The following ABCB1 variants were observed in gnomAD, a reference collection of about 807,000 sequenced individuals.
ABCB1 encodes the protein ATP-dependent translocase ABCB1.
In ABCB1, 69 loss-of-function variants were observed where a neutral mutation model predicts 142.0. The observed-to-expected ratio is 0.49, with a 90% CI of 0.40 to 0.59. The LOEUF is 0.59. Ranked by LOEUF, ABCB1 falls within the 20% of genes least tolerant of loss-of-function variation. The pLI is 0.00. For synonymous variants in ABCB1, 532 were observed against 539.2 expected (o/e 0.99, Z 0.18); for missense variants, 1,326 against 1,554.7 (o/e 0.85, Z 2.47).
chr7:87,645,707 T>C (rs1310128166), intron 1 of ABCB1, among the ~76,000 whole-genome samples: 1 of 152,222 alleles, frequency 6.6e-6, no homozygotes, highest in Non-Finnish European at 1.5e-5. Flanking sequence ...AAATTCTTTC[T>C]ACAGGTTTGA....
intron 1 of ABCB1, among the ~76,000 whole-genome samples, chr7:87,653,723 C>T (rs1823806657): frequency 1.3e-5 from 2 of 151,752 alleles, no homozygotes; most frequent in Admixed American, 1.3e-4. Context: ...ATCCTTTTCC[C>T]AAGTTCCCTC....
intron 1 of ABCB1, among the ~76,000 whole-genome samples, chr7:87,703,885 C>CTTTTTT: frequency 4.6e-4 from 28 of 60,272 alleles, no homozygotes; most frequent in African/African-American, 7.5e-4. Context: ...TCAGTTTTTT[C>CTTTTTT]TTTTTTTTTT....
Position 87,585,690 on chromosome 7 carries a change from G to C in ABCB1, c.118-10C>G, listed in dbSNP as rs1395422890. ...AATTTGAATAGCGAAACTAAAAAGA[G>C]AGAAAAAAGAATAGCAGAGGAAAAA... On this transcript the variant is annotated splice_polypyrimidine_tract_variant and intron_variant, in intron 3 of 27. Coordinates refer to ENST00000622132, the MANE Select transcript of ABCB1 (RefSeq NM_001348946.2). 6.2e-7 allele frequency: 1 copy of C among 1,612,678 alleles called. No individual in the cohort carries two copies. The highest frequency in any genetic ancestry group is 1.7e-5 in the Admixed American group (1 of 59,900).
At chr7:87,528,442 T>C (rs935132164) in intron 21 of ABCB1, among the ~76,000 whole-genome samples, 11 of 152,170 alleles carry the variant, frequency 7.2e-5, no homozygotes, top group Non-Finnish European at 1.5e-4. Flanking sequence ...CTAGGCTACA[T>C]GGCTTGTGAG....
intron 8 of ABCB1, 140 bp from the exon 9 acceptor site, chr7:87,554,072 T>C: frequency 1.3e-6 from 1 of 750,166 alleles, no homozygotes; most frequent in South Asian, 1.6e-5. Flanking sequence ...ATTGACCCTA[T>C]ATAGTAGTAC....
At chr7:87,558,495 A>G (rs1817407561) in intron 8 of ABCB1, among the ~76,000 whole-genome samples, 1 of 152,030 alleles carries the variant, frequency 6.6e-6, no homozygotes, top group South Asian at 2.1e-4. Flanking sequence ...CTATTTTCCA[A>G]TACTTACTGT....
chr7:87,528,822 G>C (rs922585108), intron 21 of ABCB1, among the ~76,000 whole-genome samples: 1 of 152,198 alleles, frequency 6.6e-6, no homozygotes, highest in Non-Finnish European at 1.5e-5. Context: ...TCTCTGAAGA[G>C]GTAATAATTT....
At chr7:87,543,056 C>T (rs1476667433) in intron 17 of ABCB1, among the ~76,000 whole-genome samples, 1 of 152,152 alleles carries the variant, frequency 6.6e-6, no homozygotes, top group African/African-American at 2.4e-5. Context: ...CATGGCAGCT[C>T]ATGCCAGTAG....
intron 1 of ABCB1, among the ~76,000 whole-genome samples, chr7:87,649,754 A>G (rs937810838): frequency 2.6e-5 from 4 of 152,260 alleles, no homozygotes; most frequent in Admixed American, 6.5e-5. Flanking sequence ...CATAATTCCT[A>G]TGTGTTGTGG....
At position 87,600,129 on chromosome 7, in the gene ABCB1, A is replaced by T. The variant is rs200915526; in HGVS notation, c.56T>A (p.Leu19Gln). Residue 19 changes from leucine to glutamine, a missense_variant, in exon 2 of 28, where the codon CTG becomes CAG. Physicochemically the swap from Leu to Gln is moderately radical, Grantham distance 113. Coordinates refer to ENST00000622132, the MANE Select transcript of ABCB1 (RefSeq NM_001348946.2). ...GGAKKKNFFKLNNKSEKDKKE... is the reference protein window; with the variant it reads ...GGAKKKNFFKQNNKSEKDKKE... ...ACAAGCTAGTTACCTTTTATTGTTCAGTTTAAAAAAGTTCTTCTTCTTTGC... is the reference window on the plus strand; with the variant it reads ...ACAAGCTAGTTACCTTTTATTGTTCTGTTTAAAAAAGTTCTTCTTCTTTGC... 1.3e-5 allele frequency: 21 copies of T among 1,613,898 alleles called. No individual in the cohort carries two copies. The Admixed American group carries it at 2.2e-4, about 17-fold the overall frequency.
intron 1 of ABCB1, among the ~76,000 whole-genome samples, chr7:87,649,767 G>A (rs997094600): frequency 2.6e-5 from 4 of 152,170 alleles, no homozygotes; most frequent in Admixed American, 1.3e-4. Context: ...TGTTGTGGGA[G>A]GGACTCAGTG....
rs773597757 is a variant in ABCB1, at chr7:87,509,352, G to A, written c.3412C>T (p.Arg1138Trp). Residue 1138 changes from arginine (R) to tryptophan (W), a missense_variant, in exon 26 of 28, where the codon CGG (arginine) becomes TGG (tryptophan). Transcript: ENST00000622132. ...ACAATCTCTTCCTGTGACACCACCC[G>A]GCTGTTGTCTCCATAGGCAATGTTC... Reference protein sequence around the residue: ...AENIAYGDNSRVVSQEEIVRA... With the variant: ...AENIAYGDNSWVVSQEEIVRA... The A allele has an allele frequency of 1.4e-5, 23 of 1,613,948 alleles. No individual in the cohort carries two copies. The highest frequency in any genetic ancestry group is 1.6e-4 in the Middle Eastern group (1 of 6,084).
At chr7:87,534,612 A>G (rs1816198396) in intron 20 of ABCB1, among the ~76,000 whole-genome samples, 1 of 152,004 alleles carries the variant, frequency 6.6e-6, no homozygotes, top group Non-Finnish European at 1.5e-5. Flanking sequence ...AGGCTTCTGA[A>G]TTTCATAAAG....
intron 4 of ABCB1, among the ~76,000 whole-genome samples, chr7:87,578,598 C>T (rs1202177): frequency 0.7 from 106,490 of 151,874 alleles, 37,734 homozygotes; most frequent in East Asian, 0.98. Flanking sequence ...CATCAATGTT[C>T]TACAGTTTTC....
intron 21 of ABCB1, among the ~76,000 whole-genome samples, chr7:87,527,095 C>T (rs1351658368): frequency 6.6e-6 from 1 of 152,078 alleles, no homozygotes; most frequent in Non-Finnish European, 1.5e-5. Context: ...AACATTTCTG[C>T]TGCCTCTTGA....
At chr7:87,706,878 G>A (rs779276422) in intron 1 of ABCB1, among the ~76,000 whole-genome samples, 3 of 152,192 alleles carry the variant, frequency 2.0e-5, no homozygotes, top group Non-Finnish European at 4.4e-5. Flanking sequence ...GAAAGCAGCA[G>A]GGAAGAGGTA....
intron 1 of ABCB1, among the ~76,000 whole-genome samples, chr7:87,675,104 C>T (rs1826193855): frequency 6.6e-6 from 1 of 152,208 alleles, no homozygotes. Context: ...CCGCTCCTCA[C>T]TTGTTCAACT....
intron 1 of ABCB1, among the ~76,000 whole-genome samples, chr7:87,619,785 T>C (rs1040055522): frequency 2.0e-5 from 3 of 151,412 alleles, no homozygotes; most frequent in Admixed American, 6.6e-5. Flanking sequence ...TATATATGAA[T>C]AAACTGACCT....
Position 87,544,957 on chromosome 7 carries a change from A to G in ABCB1, c.1930T>C (p.Ser644Pro). The G allele has an allele frequency of 6.2e-7, 1 of 1,614,076 alleles. No homozygotes were observed. The highest frequency in any genetic ancestry group is 8.5e-7 in the Non-Finnish European group (1 of 1,180,000). ...TCCAAGGCATCAATTTCACTTTTGG[A>G]TTCATCAGCTGCATTTTCTAATTCA... ...EVELENAADE[S>P]KSEIDALEMS... Residue 644 changes from serine to proline, a missense_variant, in exon 16 of 28, where the codon TCC (serine) becomes CCC (proline). By Grantham distance (74) the Ser-to-Pro change is moderately conservative. Coordinates refer to ENST00000622132, the MANE Select transcript of ABCB1 (RefSeq NM_001348946.2).
Sources: gnomAD v4.1 joint callset for allele counts (sites outside exome capture counted in the v4.1 genomes callset) on GRCh38, gnomAD v4.1.1 for gene constraint, MANE v1.5 for transcripts, NCBI Gene and HGNC (gene_info 2026-07-23, HGNC 2026-07-21) for gene names.